Variants in RORA observed in about 807,000 individuals in gnomAD.
The protein encoded by RORA is nuclear receptor ROR-alpha.
In RORA, 7 loss-of-function variants were observed where a neutral mutation model predicts 69.5. The ratio of observed to expected loss-of-function variants is 0.10; its 90% CI spans 0.06 to 0.19. The LOEUF (loss-of-function observed/expected upper bound fraction) is 0.19, where lower values mean the gene tolerates loss of function less well. Among genes scored for constraint, RORA ranks in the 10% least tolerant of loss-of-function variants. The probability of loss-of-function intolerance (pLI) is 1.00; values close to 1 mark genes in which losing one functional copy is unlikely to be tolerated. For missense variants in RORA, 457 were observed against 663.0 expected (o/e 0.69, Z 3.41); for synonymous variants, 261 against 240.8 (o/e 1.08, Z -0.78).
chr15:61,209,922 G>T (rs951027053), intron 1 of RORA, among the ~76,000 whole-genome samples: 2 of 152,126 alleles, frequency 1.3e-5, no homozygotes, highest in Non-Finnish European at 2.9e-5. Flanking sequence ...TTTTGCCTTG[G>T]CATAAAGTGA....
At chr15:61,209,597 G>A (rs1191060327) in intron 1 of RORA, among the ~76,000 whole-genome samples, 1 of 152,212 alleles carries the variant, frequency 6.6e-6, no homozygotes, top group African/African-American at 2.4e-5. Context: ...ATTAGAAGGT[G>A]GGGCCTCTAG....
At chr15:61,089,470 A>C (rs541195249) in intron 1 of RORA, among the ~76,000 whole-genome samples, 1 of 152,354 alleles carries the variant, frequency 6.6e-6, no homozygotes, top group South Asian at 2.1e-4. Context: ...ATATACACAG[A>C]AAATGGCTGA....
intron 1 of RORA, among the ~76,000 whole-genome samples, chr15:61,032,793 A>C (rs1466890613): frequency 2.0e-5 from 3 of 152,226 alleles, no homozygotes; most frequent in Non-Finnish European, 2.9e-5. Flanking sequence ...AAAGAGCAGT[A>C]CAGGGGATCC....
intron 2 of RORA, among the ~76,000 whole-genome samples, chr15:60,543,377 G>A (rs1404090536): frequency 1.3e-5 from 2 of 151,828 alleles, no homozygotes; most frequent in African/African-American, 2.4e-5. Context: ...CCTTTAAAAC[G>A]AGCCCTATCT....
At chr15:60,821,241 A>C (rs539062154) in intron 1 of RORA, among the ~76,000 whole-genome samples, 2 of 149,768 alleles carry the variant, frequency 1.3e-5, no homozygotes, top group South Asian at 2.1e-4. Context: ...TACTTAGCCA[A>C]CTCCCCCTTG....
rs748645978 is a variant in RORA at position 61,214,957 on chromosome 15, T to C, written c.166+14096A>G. Among the ~76,000 whole-genome samples the C allele has an allele frequency of 1.2e-4, 17 of 144,840 alleles. No homozygotes were observed. In the East Asian group the frequency reaches 2.1e-3, roughly 18 times the overall value. On this transcript the variant is annotated intron_variant, in intron 1 of 10. Transcript: ENST00000335670. ...TCGGCTCACTGTAAGCTCCGCCTCC[T>C]GGGTTCATGCCATTCTCCTGCCTCA...
chr15:60,578,370 C>G (rs539489300), intron 2 of RORA, among the ~76,000 whole-genome samples: 1 of 152,310 alleles, frequency 6.6e-6, no homozygotes, highest in East Asian at 1.9e-4. Flanking sequence ...GGGAAGCTGT[C>G]AGATTCCTGG....
At position 60,758,271 on chromosome 15, in the gene RORA, T is replaced by C. The variant is rs138130787; in HGVS notation, c.167-79585A>G. On this transcript the variant is annotated intron_variant, in intron 1 of 10. Coordinates refer to ENST00000335670, the MANE Select transcript of RORA (RefSeq NM_134261.3). ...AGTGACACGACCCACTCAGATAGTC[T>C]CTACCAGCTTGCTAGGTATAAAAGG... 5.6e-3 allele frequency among the ~76,000 whole-genome samples: 850 copies of C among 152,302 alleles called. 7 individuals are homozygous for C. Among genetic ancestry groups the C allele is most frequent in the East Asian group, 0.021 (109 of 5,182 alleles).
At chr15:61,160,336 G>A (rs946522723) in intron 1 of RORA, among the ~76,000 whole-genome samples, 4 of 152,140 alleles carry the variant, frequency 2.6e-5, no homozygotes, top group African/African-American at 4.8e-5. Flanking sequence ...AAGTAACTAC[G>A]AGGTGAGAAG....
intron 1 of RORA, among the ~76,000 whole-genome samples, chr15:61,209,881 A>C (rs2079975316): frequency 6.6e-6 from 1 of 152,268 alleles, no homozygotes; most frequent in Non-Finnish European, 1.5e-5. Flanking sequence ...GCACTGACTT[A>C]CTTATACATT....
At chr15:61,177,756 T>C (rs766396072) in intron 1 of RORA, among the ~76,000 whole-genome samples, 1 of 152,036 alleles carries the variant, frequency 6.6e-6, no homozygotes, top group Non-Finnish European at 1.5e-5. Flanking sequence ...AGGTCAGAAG[T>C]TCGAGACCAG....
At chr15:60,774,882 T>A (rs2072138999) in intron 1 of RORA, among the ~76,000 whole-genome samples, 1 of 152,230 alleles carries the variant, frequency 6.6e-6, no homozygotes, top group African/African-American at 2.4e-5. Flanking sequence ...CCATTGGCTT[T>A]AACTGGAAAC....
chr15:60,794,756 CA>C (rs1004993445), intron 1 of RORA, among the ~76,000 whole-genome samples: 2 of 152,232 alleles, frequency 1.3e-5, no homozygotes, highest in Admixed American at 6.5e-5. Flanking sequence ...GTGGAGTTAT[CA>C]TTCAACCAGA....
chr15:61,028,765 T>C (rs775421292), intron 1 of RORA, among the ~76,000 whole-genome samples: 9 of 152,334 alleles, frequency 5.9e-5, no homozygotes, highest in East Asian at 1.9e-4. Context: ...AAATAAAATA[T>C]AGTCTGTCCA....
intron 2 of RORA, among the ~76,000 whole-genome samples, chr15:60,576,364 A>G (rs2068026458): frequency 6.6e-6 from 1 of 152,190 alleles, no homozygotes; most frequent in Admixed American, 6.5e-5. Context: ...ATTTGCTCCC[A>G]CTCAATGGAC....
At chr15:60,642,581 G>T (rs1449304708) in intron 2 of RORA, among the ~76,000 whole-genome samples, 1 of 152,104 alleles carries the variant, frequency 6.6e-6, no homozygotes, top group Non-Finnish European at 1.5e-5. Flanking sequence ...CACACTTCCG[G>T]GAAGCTCTCA....
intron 1 of RORA, among the ~76,000 whole-genome samples, chr15:60,742,515 T>C (rs1276675293): frequency 6.6e-6 from 1 of 152,244 alleles, no homozygotes; most frequent in East Asian, 1.9e-4. Flanking sequence ...AAATTTCTGA[T>C]GGCAATTTGT....
chr15:61,197,575 G>C (rs2079856594), intron 1 of RORA, among the ~76,000 whole-genome samples: 1 of 152,196 alleles, frequency 6.6e-6, no homozygotes. Context: ...CTACAGACAA[G>C]GAATAACTCT....
At chr15:60,740,108 C>A (rs766817122) in intron 1 of RORA, among the ~76,000 whole-genome samples, 2 of 152,102 alleles carry the variant, frequency 1.3e-5, no homozygotes, top group African/African-American at 4.8e-5. Context: ...GAGATTATCA[C>A]TCCCTTTTTT....
Sources: allele counts gnomAD v4.1 joint callset (sites outside exome capture counted in the v4.1 genomes callset), GRCh38; gene constraint gnomAD v4.1.1; transcripts MANE v1.5; gene names NCBI Gene and HGNC (gene_info 2026-07-23, HGNC 2026-07-21).